The following USP26 variants were observed in gnomAD, a reference collection of about 807,000 sequenced individuals.
The protein encoded by USP26 is ubiquitin carboxyl-terminal hydrolase 26.
For synonymous variants in USP26, 236 were observed against 240.6 expected (o/e 0.98, Z 0.18); for missense variants, 649 against 642.3 (o/e 1.01, Z -0.11).
At chrX:133,054,969 C>T (rs2067470734) in intron 5 of USP26, among the ~76,000 whole-genome samples, 1 of 112,207 alleles carries the variant, frequency 8.9e-6, no homozygotes, top group Admixed American at 9.4e-5. Context: ...TGCTTAAATG[C>T]AGATGGCTGG....
chrX:133,027,315 G>T lies in USP26; in HGVS notation c.906C>A (p.Asn302Lys), dbSNP rs1051373772. Residue 302 changes from asparagine to lysine, a missense_variant, in exon 6 of 6, where the codon AAC becomes AAA. Transcript: ENST00000511190. ...GTAACACTGCATTCATATAACAGGT[G>T]TTTCCCAAATTGGGGAGGCCGTGGC... ...KICHGLPNLG[N>K]TCYMNAVLQS... 13 of 1,210,584 alleles carry T rather than the reference G, an allele frequency of 1.1e-5. No homozygotes were observed. The highest frequency in any genetic ancestry group is 1.5e-5 in the Non-Finnish European group (13 of 894,495).
chrX:133,048,898 T>C (rs1381141370), intron 5 of USP26, among the ~76,000 whole-genome samples: 1 of 111,730 alleles, frequency 9.0e-6, no homozygotes, highest in East Asian at 2.8e-4. Context: ...CACAACTCCC[T>C]TGGAATTTGG....
intron 5 of USP26, among the ~76,000 whole-genome samples, chrX:133,081,346 G>T (rs1183050623): frequency 3.3e-5 from 1 of 30,171 alleles, no homozygotes; most frequent in African/African-American, 3.2e-4. Flanking sequence ...CTCCAGGCTG[G>T]AGTGCAGTGG....
intron 5 of USP26, among the ~76,000 whole-genome samples, chrX:133,048,330 G>A (rs2067447164): frequency 8.9e-6 from 1 of 111,915 alleles, no homozygotes; most frequent in South Asian, 3.7e-4. Context: ...GATATGACAT[G>A]CATAGTATAA....
intron 5 of USP26, among the ~76,000 whole-genome samples, chrX:133,032,830 G>A (rs969220072): frequency 1.8e-5 from 2 of 111,814 alleles, no homozygotes; most frequent in African/African-American, 6.5e-5. Context: ...CGGAGTAGGG[G>A]AGAAGCATCA....
At chrX:133,054,616 A>T (rs1040761806) in intron 5 of USP26, among the ~76,000 whole-genome samples, 2 of 111,319 alleles carry the variant, frequency 1.8e-5, no homozygotes, top group African/African-American at 6.5e-5. Flanking sequence ...CAAGCTTCTG[A>T]TGTACTTTTT....
intron 5 of USP26, among the ~76,000 whole-genome samples, chrX:133,031,940 A>C (rs2067378308): frequency 1.8e-5 from 2 of 111,350 alleles, no homozygotes; most frequent in Admixed American, 1.9e-4. Flanking sequence ...TCAGGTCAGG[A>C]GTTTGAGACC....
rs774678802 is a variant in USP26, at chrX:133,026,723, C to T, written c.1498G>A (p.Glu500Lys). 4.8e-4 allele frequency: 582 copies of T among 1,207,291 alleles called. 7 individuals carry two copies. The South Asian group carries it at 9.7e-3, about 20-fold the overall frequency. The change falls in exon 6 of 6, where the codon GAG becomes AAG. Residue 500 changes from glutamate (E) to lysine (K), a missense_variant. Glu to Lys is a moderately conservative substitution (Grantham distance 56). Coordinates refer to ENST00000511190, the MANE Select transcript of USP26 (RefSeq NM_031907.3). ...TGCACTCCAACGGAAGTCTTGTGCT[C>T]ACATTTTGCACATTTATACTCAAGC... ...EELEYKCAKCEHKTSVGVHSF... is the reference protein window; with the variant it reads ...EELEYKCAKCKHKTSVGVHSF...
Position 133,044,513 on chromosome X carries a change from G to C in USP26, c.-76-16217C>G, listed in dbSNP as rs193132538. On this transcript the variant is annotated intron_variant, in intron 5 of 5. Coordinates refer to ENST00000511190, the MANE Select transcript of USP26 (RefSeq NM_031907.3). Reference sequence around the variant, plus strand: ...CCGGCCCCAGGCAGTGAGGGGCTTAGCACCTGGACCAGCAGCTGCGGAGGG... The same window carrying C: ...CCGGCCCCAGGCAGTGAGGGGCTTACCACCTGGACCAGCAGCTGCGGAGGG... 4.6e-3 allele frequency among the ~76,000 whole-genome samples: 521 copies of C among 113,516 alleles called. 1 individual carries two copies. Among genetic ancestry groups the C allele is most frequent in the Non-Finnish European group, 7.5e-3 (398 of 53,346 alleles).
At chrX:133,054,416 T>C (rs1019176127) in intron 5 of USP26, among the ~76,000 whole-genome samples, 2 of 111,783 alleles carry the variant, frequency 1.8e-5, no homozygotes, top group Non-Finnish European at 1.9e-5. Flanking sequence ...ATTCACATAA[T>C]AGTTTTACAG....
Position 133,027,735 on chromosome X carries a change from T to C in USP26, c.486A>G (p.Thr162=). The C allele has an allele frequency of 8.3e-7, 1 of 1,210,038 alleles. No individual in the cohort carries two copies. The highest frequency in any genetic ancestry group is 2.3e-4 in the Middle Eastern group (1 of 4,345). Residue 162 remains threonine (T), a synonymous_variant, in exon 6 of 6, where the codon ACA becomes ACG. Coordinates refer to ENST00000511190, the MANE Select transcript of USP26 (RefSeq NM_031907.3). The stretch of plus-strand genomic sequence containing the variant: ...CTCCGCAAGTAAGTGTCAATTTTGA[T>C]GTAAGCAAAGGCATCCTCTGAAGGA... ...TGVLQRMPLL[T]SKLTLTCGEL... is the part of the protein sequence containing the mutation.
At chrX:133,058,589 A>G (rs960206059) in intron 5 of USP26, among the ~76,000 whole-genome samples, 1 of 111,794 alleles carries the variant, frequency 8.9e-6, no homozygotes, top group African/African-American at 3.3e-5. Context: ...TGAAAATGAT[A>G]TAGTTAACTC....
At chrX:133,057,844 T>TTATATATATATATATA (rs1198872172) in intron 5 of USP26, among the ~76,000 whole-genome samples, 124 of 30,626 alleles carry the variant, frequency 4.0e-3, no homozygotes, top group African/African-American at 8.6e-3. Context: ...ATACTTTACA[T>TTATATATATATATATA]TATATATATA....
At chrX:133,087,669 GAAATTTGAGCAAATTA>G (rs1356247504) in intron 4 of USP26, among the ~76,000 whole-genome samples, 3 of 112,390 alleles carry the variant, frequency 2.7e-5, no homozygotes, top group Admixed American at 1.9e-4. Flanking sequence ...TAAAGAAAAT[GAAATTTGAGCAAATTA>G]ATCTTTGTGT....
chrX:133,038,946 G>T (rs1346521208), intron 5 of USP26, among the ~76,000 whole-genome samples: 1 of 112,126 alleles, frequency 8.9e-6, no homozygotes, highest in Non-Finnish European at 1.9e-5. Flanking sequence ...TAGTTTATCT[G>T]TGTAGAGGTG....
chrX:133,091,689 G>T lies in USP26; in HGVS notation c.-392-246C>A, dbSNP rs187921673. Reference sequence around the variant, plus strand: ...CTTAGGAAGAGTGACTACCACTGTTGGTAGTCCCTATCTCTAGAACTCTAG... The same window carrying T: ...CTTAGGAAGAGTGACTACCACTGTTTGTAGTCCCTATCTCTAGAACTCTAG... On this transcript the variant is annotated intron_variant, in intron 1 of 5. Coordinates refer to ENST00000511190, the MANE Select transcript of USP26 (RefSeq NM_031907.3). 1.4e-3 allele frequency among the ~76,000 whole-genome samples: 150 copies of T among 111,019 alleles called. 2 individuals are homozygous for T. Among genetic ancestry groups the T allele is most frequent in the Non-Finnish European group, 1.1e-3 (60 of 52,984 alleles).
intron 4 of USP26, among the ~76,000 whole-genome samples, chrX:133,084,302 GAT>G (rs2067580628): frequency 9.0e-6 from 1 of 111,227 alleles, no homozygotes; most frequent in South Asian, 3.8e-4. Flanking sequence ...AGGCTCAAGT[GAT>G]CCTCCCACCT....
chrX:133,058,499 G>A (rs1016260115), intron 5 of USP26, among the ~76,000 whole-genome samples: 1 of 111,818 alleles, frequency 8.9e-6, no homozygotes, highest in African/African-American at 3.3e-5. Flanking sequence ...ATGTCTTACT[G>A]GTGAATTGAC....
rs1390961232 is a variant in USP26 at position 133,025,743 on chromosome X, G to A, written c.2478C>T (p.Leu826=). The A allele has an allele frequency of 2.5e-6, 3 of 1,209,571 alleles. No homozygotes were observed. In the South Asian group the frequency reaches 5.3e-5, roughly 21 times the overall value. ...TCCCAAGATGGCTGACAACACTAATGAGCCGGTAGGTATGATCTCCCTTAT... is the reference window on the plus strand; with the variant it reads ...TCCCAAGATGGCTGACAACACTAATAAGCCGGTAGGTATGATCTCCCTTAT... ...NDDKGDHTYR[L]ISVVSHLGKT... is the part of the protein sequence containing the mutation. The change falls in exon 6 of 6, where the codon CTC becomes CTT. Residue 826 remains leucine (L), a synonymous_variant. Coordinates refer to ENST00000511190, the MANE Select transcript of USP26 (RefSeq NM_031907.3).
Sources: allele counts gnomAD v4.1 joint callset (sites outside exome capture counted in the v4.1 genomes callset), GRCh38; gene constraint gnomAD v4.1.1; transcripts MANE v1.5; gene names NCBI Gene and HGNC (gene_info 2026-07-23, HGNC 2026-07-21).